DYNC2H1: variants seen among roughly 807,000 people sequenced by gnomAD.
The protein encoded by DYNC2H1 is dynein cytoplasmic 2 heavy chain 1, also known as cytoplasmic dynein 2 heavy chain 1.
In DYNC2H1, 410 loss-of-function variants were observed where a neutral mutation model predicts 570.0. That is an observed-to-expected ratio of 0.72 (90% confidence interval 0.66 to 0.78). The LOEUF (loss-of-function observed/expected upper bound fraction) is 0.78. Ranked by LOEUF, DYNC2H1 falls within the 30% of genes least tolerant of loss-of-function variation. DYNC2H1 has a pLI of 0.00. For synonymous variants in DYNC2H1, 1,688 were observed against 1,677.6 expected (o/e 1.01, Z -0.15); for missense variants, 4,865 against 5,046.4 (o/e 0.96, Z 1.09).
At chr11:103,291,295 G>A (rs183002910) in intron 75 of DYNC2H1, among the ~76,000 whole-genome samples, 1 of 152,132 alleles carries the variant, frequency 6.6e-6, no homozygotes, top group East Asian at 1.9e-4. Context: ...AAAATTATCT[G>A]GGTGTGGTGG....
chr11:103,156,523 G>T lies in DYNC2H1; in HGVS notation c.3880G>T (p.Asp1294Tyr). 1.2e-6 allele frequency: 2 copies of T among 1,613,744 alleles called. No homozygotes were observed. Among genetic ancestry groups the T allele is most frequent in the Non-Finnish European group, 1.7e-6 (2 of 1,179,756 alleles). ...SQSRTMKLIK[D>Y]WKDIVNQVGD... ...AAGTCGAACTATGAAGCTGATTAAAGACTGGAAAGATATAGTAAATCAGGT... is the reference window on the plus strand; with the variant it reads ...AAGTCGAACTATGAAGCTGATTAAATACTGGAAAGATATAGTAAATCAGGT... Residue 1294 changes from aspartate to tyrosine, a missense_variant, in exon 26 of 89, where the codon GAC becomes TAC. Asp to Tyr is a radical substitution (Grantham distance 160). Coordinates refer to ENST00000375735, the MANE Select transcript of DYNC2H1 (RefSeq NM_001377.3).
chr11:103,342,221 CTG>C (rs1939479552), intron 82 of DYNC2H1, among the ~76,000 whole-genome samples: 1 of 152,106 alleles, frequency 6.6e-6, no homozygotes, highest in Non-Finnish European at 1.5e-5. Context: ...AATTGGCACT[CTG>C]TAGCTAGCTA....
intron 21 of DYNC2H1, 128 bp from the exon 22 acceptor site, chr11:103,153,175 C>G: frequency 1.4e-6 from 1 of 732,518 alleles, no homozygotes; most frequent in Non-Finnish European, 2.1e-6. Flanking sequence ...TAACAACCAT[C>G]CTTTGAAAAG....
intron 88 of DYNC2H1, among the ~76,000 whole-genome samples, chr11:103,469,099 A>G (rs1945286793): frequency 6.6e-6 from 1 of 152,148 alleles, no homozygotes. Context: ...CCCACTTTCA[A>G]ATGAGGAAAC....
intron 50 of DYNC2H1, 54 bp downstream of exon 50, chr11:103,200,208 C>G: frequency 7.6e-7 from 1 of 1,313,278 alleles, no homozygotes; most frequent in East Asian, 2.6e-5. Flanking sequence ...TAAAAATTAT[C>G]CAAGTAAAAT....
At chr11:103,300,721 A>T (rs1203873874) in intron 75 of DYNC2H1, among the ~76,000 whole-genome samples, 1 of 151,980 alleles carries the variant, frequency 6.6e-6, no homozygotes, top group Non-Finnish European at 1.5e-5. Context: ...AAAAGTTATA[A>T]TTGAATTTAC....
chr11:103,380,796 A>T (rs980714535), intron 83 of DYNC2H1, among the ~76,000 whole-genome samples: 1 of 152,172 alleles, frequency 6.6e-6, no homozygotes, highest in African/African-American at 2.4e-5. Context: ...TCCTGAGCTC[A>T]GGCGATCCAC....
intron 83 of DYNC2H1, among the ~76,000 whole-genome samples, chr11:103,358,573 A>T (rs1231679836): frequency 1.3e-5 from 2 of 152,176 alleles, no homozygotes; most frequent in Non-Finnish European, 2.9e-5. Flanking sequence ...CTTATCTTTA[A>T]ATAAGTAATC....
At position 103,199,293 on chromosome 11, in the gene DYNC2H1, GTA is replaced by G. The variant is rs1862624167; in HGVS notation, c.7909_7910del (p.Met2637ValfsTer2). 3 of 1,611,126 alleles carry G rather than the reference GTA, an allele frequency of 1.9e-6. No homozygotes were observed. The highest frequency in any genetic ancestry group is 2.5e-6 in the Non-Finnish European group (3 of 1,179,358). On this transcript the variant is annotated frameshift_variant, in exon 49 of 89. Coordinates refer to ENST00000375735, the MANE Select transcript of DYNC2H1 (RefSeq NM_001377.3). LOFTEE classifies it high-confidence loss of function. The surrounding 1 kb of genome is among the most constrained non-coding windows in gnomAD (Gnocchi z 4.6). ...DILLFHEVLE[Y>X]MSRIDRVLSF... The stretch of plus-strand genomic sequence containing the variant: ...TTTTACTTTTCCACGAAGTCTTGGA[GTA>G]TATGTCTAGGATAGATAGAGTGCTG...
At position 103,211,794 on chromosome 11, in the gene DYNC2H1, C is replaced by T; in HGVS notation, c.8545C>T (p.Pro2849Ser). ...KEEKKKNSVD[P>S]DFLKSFLLIH... The stretch of plus-strand genomic sequence containing the variant: ...TATTTTCTATTTTTTTCTAGTTGAT[C>T]CTGATTTTCTAAAATCATTTTTATT... Residue 2849 changes from proline to serine, a missense_variant, in exon 54 of 89, where the codon CCT (proline) becomes TCT (serine). This residue lies in a region of DYNC2H1 where 2,401 missense variants were observed against 2,454.6 expected (regional missense o/e 0.98). Transcript: ENST00000375735. The T allele has an allele frequency of 7.7e-7, 1 of 1,292,556 alleles. No individual in the cohort carries two copies. The highest frequency in any genetic ancestry group is 1.9e-5 in the South Asian group (1 of 53,600). 80.1% of individuals were successfully genotyped at this position (1,292,556 alleles called of 1,614,324 possible).
chr11:103,321,944 C>T (rs1938226431), intron 81 of DYNC2H1, among the ~76,000 whole-genome samples: 1 of 152,058 alleles, frequency 6.6e-6, no homozygotes, highest in Non-Finnish European at 1.5e-5. Context: ...ATGTAGTTCT[C>T]TCAGTTTTGT....
intron 38 of DYNC2H1, 119 bp from the exon 39 acceptor site, chr11:103,178,907 C>G: frequency 2.0e-6 from 2 of 1,003,450 alleles, no homozygotes; most frequent in Non-Finnish European, 1.4e-6. Flanking sequence ...CGCATGGGTT[C>G]TTCAGCATAT....
intron 75 of DYNC2H1, among the ~76,000 whole-genome samples, chr11:103,297,794 T>C (rs1866896019): frequency 1.3e-5 from 2 of 152,144 alleles, no homozygotes; most frequent in Non-Finnish European, 2.9e-5. Flanking sequence ...AAACTTACTC[T>C]GAATTCATTT....
intron 84 of DYNC2H1, among the ~76,000 whole-genome samples, chr11:103,433,211 A>G (rs746079963): frequency 6.6e-6 from 1 of 152,048 alleles, no homozygotes; most frequent in Non-Finnish European, 1.5e-5. Context: ...TATTTTTTAT[A>G]TAGGTAAATA....
intron 48 of DYNC2H1, 35 bp downstream of exon 48, chr11:103,198,098 G>A: frequency 1.3e-6 from 2 of 1,537,444 alleles, no homozygotes; most frequent in Non-Finnish European, 1.8e-6. Context: ...ACTGGGATTT[G>A]GTCATTATAG....
chr11:103,370,108 G>C (rs898678022), intron 83 of DYNC2H1, among the ~76,000 whole-genome samples: 2 of 152,210 alleles, frequency 1.3e-5, no homozygotes, highest in African/African-American at 2.4e-5. Context: ...GTGAGTCCCA[G>C]GTCAGGCAGC....
In DYNC2H1 at chr11:103,199,425, A is replaced by G. The variant is rs1167706881; in HGVS notation, c.8037A>G (p.Pro2679=). The change falls in exon 49 of 89, where the codon CCA becomes CCG. Residue 2679 remains proline, a synonymous_variant. Coordinates refer to ENST00000375735, the MANE Select transcript of DYNC2H1 (RefSeq NM_001377.3). This position sits in a 1 kb window ranked among gnomAD's most constrained non-coding sequence, Gnocchi z 4.6. ...SHMHGAVLFS[P]KISRGYELKQ... is the part of the protein sequence containing the mutation. ...TGCATGGAGCGGTCCTGTTTTCTCC[A>G]AAGATTTCCAGAGGATATGAACTGA... The G allele has an allele frequency of 1.2e-6, 2 of 1,612,042 alleles. No homozygotes were observed. The highest frequency in any genetic ancestry group is 2.2e-5 in the South Asian group (2 of 90,776).
At chr11:103,331,295 C>A (rs1938776735) in intron 82 of DYNC2H1, among the ~76,000 whole-genome samples, 1 of 152,208 alleles carries the variant, frequency 6.6e-6, no homozygotes, top group South Asian at 2.1e-4. Context: ...CCCTTACAGG[C>A]TTTTTCTCCA....
chr11:103,355,950 TC>T (rs1444641010), intron 82 of DYNC2H1, among the ~76,000 whole-genome samples: 1 of 152,076 alleles, frequency 6.6e-6, no homozygotes, highest in Non-Finnish European at 1.5e-5. Context: ...CCTCAAGTGA[TC>T]CCCCCACCTC....
Sources: allele counts gnomAD v4.1 joint callset (sites outside exome capture counted in the v4.1 genomes callset), GRCh38; gene constraint gnomAD v4.1.1; regional missense constraint gnomAD v4.1.1; non-coding constraint Gnocchi (gnomAD v3.1); transcripts MANE v1.5; gene names NCBI Gene and HGNC (gene_info 2026-07-23, HGNC 2026-07-21).